Variants in ENTPD4 observed in about 807,000 individuals in gnomAD.
ENTPD4 encodes Golgi UDPase.
Under a neutral mutation model 79.1 loss-of-function variants are expected in ENTPD4, and 60 were observed. The observed-to-expected ratio is 0.76, with a 90% confidence interval of 0.62 to 0.94. The LOEUF (loss-of-function observed/expected upper bound fraction) is 0.94. Among genes scored for constraint, ENTPD4 ranks in the 40% least tolerant of loss-of-function variants. The pLI, the probability that ENTPD4 is intolerant of heterozygous loss-of-function variation, is 0.00. For synonymous variants in ENTPD4, 276 were observed against 292.0 expected, an observed-to-expected ratio of 0.95 and a Z score of 0.56; for missense variants, 772 against 775.1, an observed-to-expected ratio of 1.00 and a Z score of 0.05.
In ENTPD4 at chr8:23,441,602, G is replaced by A; in HGVS notation, c.849C>T (p.Val283=). ...GGVSTQIAYE[V]PKTVSFASSQ... Reference sequence around the variant, plus strand: ...AGGACGCAAAGCTTACAGTTTTGGGGACTTCGTACGCTATCTGAGTCGACA... The same window carrying A: ...AGGACGCAAAGCTTACAGTTTTGGGAACTTCGTACGCTATCTGAGTCGACA... Residue 283 remains valine, a synonymous_variant, in exon 8 of 13, where the codon GTC becomes GTT. Transcript: ENST00000358689. The A allele has an allele frequency of 6.2e-7, 1 of 1,614,238 alleles. No homozygotes were observed. Among genetic ancestry groups the A allele is most frequent in the Non-Finnish European group, 8.5e-7 (1 of 1,180,042 alleles).
intron 5 of ENTPD4, 86 bp from the exon 6 acceptor site, chr8:23,444,039 AAAC>A: frequency 5.6e-6 from 5 of 887,288 alleles, no homozygotes; most frequent in Non-Finnish European, 8.8e-6. Flanking sequence ...AACAAACAAA[AAAC>A]AAAACCAGGG....
At chr8:23,442,734 C>T (rs887986240) in intron 6 of ENTPD4, among the ~76,000 whole-genome samples, 5 of 152,054 alleles carry the variant, frequency 3.3e-5, no homozygotes, top group Non-Finnish European at 5.9e-5. Flanking sequence ...TCCCTCCATT[C>T]ACTCAGCTGC....
chr8:23,434,563 T>C, intron 11 of ENTPD4, 85 bp from the exon 12 acceptor site: 2 of 1,562,398 alleles, frequency 1.3e-6, no homozygotes, highest in African/African-American at 1.4e-5. Flanking sequence ...AATCCTTCCC[T>C]CTGTGGGCAG....
chr8:23,442,157 A>G (rs1159546766), intron 6 of ENTPD4, 91 bp from the exon 7 acceptor site: 1 of 827,012 alleles, frequency 1.2e-6, no homozygotes, highest in African/African-American at 1.7e-5. Context: ...CGTCTCACTT[A>G]TTTCACTCCC....
At chr8:23,449,038 G>C in intron 2 of ENTPD4, 99 bp from the exon 3 acceptor site, 1 of 939,272 alleles carries the variant, frequency 1.1e-6, no homozygotes, top group Non-Finnish European at 1.6e-6. Context: ...TGAGCTACCT[G>C]GATTTCCCTA....
Position 23,449,919 on chromosome 8 carries a change from A to T in ENTPD4, c.-19T>A. 6.2e-7 allele frequency: 1 copy of T among 1,614,080 alleles called. No individual in the cohort carries two copies. Among genetic ancestry groups the T allele is most frequent in the Non-Finnish European group, 8.5e-7 (1 of 1,179,936 alleles). On this transcript the variant is annotated 5_prime_UTR_variant, in exon 2 of 13. In the 5' UTR this introduces an upstream ATG that the reference lacks. Coordinates refer to ENST00000358689, the MANE Select transcript of ENTPD4 (RefSeq NM_004901.5). ...TCCCCATACTGAAAGGTCAGCAACA[A>T]GGCAATGCTCTGGGATTCAGTCCTT...
chr8:23,454,611 A>T (rs1042487774), intron 1 of ENTPD4, among the ~76,000 whole-genome samples: 9 of 152,230 alleles, frequency 5.9e-5, no homozygotes, highest in Non-Finnish European at 1.3e-4. Flanking sequence ...GGTCAATTCT[A>T]GATGGGGTGA....
intron 2 of ENTPD4, among the ~76,000 whole-genome samples, chr8:23,449,351 G>A (rs1169513379): frequency 6.6e-6 from 1 of 152,198 alleles, no homozygotes; most frequent in African/African-American, 2.4e-5. Flanking sequence ...CATGTCGTAA[G>A]CTGGGCCTGC....
intron 4 of ENTPD4, among the ~76,000 whole-genome samples, chr8:23,444,853 C>A (rs375947388): frequency 6.6e-6 from 1 of 152,162 alleles, no homozygotes; most frequent in Non-Finnish European, 1.5e-5. Context: ...CACTGCCATG[C>A]GCATGGGCTC....
intron 4 of ENTPD4, among the ~76,000 whole-genome samples, chr8:23,445,056 T>C (rs1236390145): frequency 6.6e-6 from 1 of 152,148 alleles, no homozygotes; most frequent in Non-Finnish European, 1.5e-5. Context: ...CCACCCCCAA[T>C]GCATCATGGC....
In ENTPD4 at chr8:23,431,719, C is replaced by T; in HGVS notation, c.*1207G>A. The stretch of plus-strand genomic sequence containing the variant: ...GGGTGGGGGAAACACCAATTGGAAG[C>T]TGGAAGAAACTGAGGCACGATTAAG... On this transcript the variant is annotated 3_prime_UTR_variant, in exon 13 of 13. Transcript: ENST00000358689. 1.0e-6 allele frequency: 1 copy of T among 985,462 alleles called. No homozygotes were observed. The highest frequency in any genetic ancestry group is 1.7e-5 in the African/African-American group (1 of 57,322). 61.0% of individuals were successfully genotyped at this position (985,462 alleles called of 1,614,324 possible). A position where few individuals can be genotyped will look rare whatever the true frequency, so the allele number is the denominator to read the frequency against.
Position 23,448,288 on chromosome 8 carries a change from G to T in ENTPD4, c.207-403C>A, listed in dbSNP as rs138791027. 6.0e-3 allele frequency among the ~76,000 whole-genome samples: 913 copies of T among 152,258 alleles called. 6 individuals carry two copies. The highest frequency in any genetic ancestry group is 0.021 in the African/African-American group (859 of 41,556). On this transcript the variant is annotated intron_variant, in intron 3 of 12. Transcript: ENST00000358689. ...AACTGTTCATGCCATGATGAACATGGCACAGAATCTAGTTCCTACAGTTCC... is the reference window on the plus strand; with the variant it reads ...AACTGTTCATGCCATGATGAACATGTCACAGAATCTAGTTCCTACAGTTCC...
At chr8:23,442,104 TTAAAACATTTTGTGTAAC>T in intron 6 of ENTPD4, 38 bp from the exon 7 acceptor site, 1 of 1,518,772 alleles carries the variant, frequency 6.6e-7, no homozygotes, top group Non-Finnish European at 9.1e-7. Context: ...AGAAAAAGTT[TTAAAACATTTTGTGTAAC>T]TCCTATCTGC....
chr8:23,429,851 C>A lies in ENTPD4; in HGVS notation c.*3075G>T, dbSNP rs557887296. The stretch of plus-strand genomic sequence containing the variant: ...ATGGGCAAAAAGCACTGGTACAGTT[C>A]CATGTGTTTCTCTTCTACTGTAATG... On this transcript the variant is annotated 3_prime_UTR_variant, in exon 13 of 13. Transcript: ENST00000358689. The A allele has an allele frequency of 1.0e-6, 1 of 985,452 alleles. No individual in the cohort carries two copies. Among genetic ancestry groups the A allele is most frequent in the African/African-American group, 1.7e-5 (1 of 57,364 alleles). 61.0% of individuals were successfully genotyped at this position (985,452 alleles called of 1,614,324 possible). A position where few individuals can be genotyped will look rare whatever the true frequency, so the allele number is the denominator to read the frequency against.
intron 6 of ENTPD4, among the ~76,000 whole-genome samples, 199 bp downstream of exon 6, chr8:23,443,651 T>C (rs17089269): frequency 0.11 from 16,022 of 152,250 alleles, 1,112 homozygotes; most frequent in East Asian, 0.28. Context: ...AACGGTTATC[T>C]TTCAGTGGCT....
chr8:23,456,556 A>C (rs929833975), intron 1 of ENTPD4, among the ~76,000 whole-genome samples: 1 of 152,224 alleles, frequency 6.6e-6, no homozygotes, highest in African/African-American at 2.4e-5. Flanking sequence ...TTCCTATTAG[A>C]GGTAGAAGAA....
chr8:23,438,439 T>C (rs1439152417), intron 9 of ENTPD4, among the ~76,000 whole-genome samples: 1 of 152,200 alleles, frequency 6.6e-6, no homozygotes, highest in African/African-American at 2.4e-5. Flanking sequence ...CCACTACAAA[T>C]GGCGAAGAGA....
rs1800481662 is a variant in ENTPD4 at position 23,432,905 on chromosome 8, T to C, written c.*21A>G. 9 of 1,550,574 alleles carry C rather than the reference T, an allele frequency of 5.8e-6. No homozygotes were observed. The highest frequency in any genetic ancestry group is 7.9e-6 in the Non-Finnish European group (9 of 1,145,118). ...CAAAAATGGCTTTTCCTTTTGAGTC[T>C]TCGTGGAGCTGTGAGCTGGATCACA... On this transcript the variant is annotated 3_prime_UTR_variant, in exon 13 of 13. Coordinates refer to ENST00000358689, the MANE Select transcript of ENTPD4 (RefSeq NM_004901.5).
At chr8:23,455,277 G>A (rs1415909674) in intron 1 of ENTPD4, among the ~76,000 whole-genome samples, 1 of 152,222 alleles carries the variant, frequency 6.6e-6, no homozygotes, top group African/African-American at 2.4e-5. Flanking sequence ...TCAGCCTCTG[G>A]GAGAGCTCAG....
Sources: allele counts gnomAD v4.1 joint callset (sites outside exome capture counted in the v4.1 genomes callset), GRCh38; gene constraint gnomAD v4.1.1; transcripts MANE v1.5; gene names NCBI Gene and HGNC (gene_info 2026-07-23, HGNC 2026-07-21).